ERICH6B: variants seen among roughly 807,000 people sequenced by gnomAD.
ERICH6B encodes glutamate-rich protein 6B.
A neutral mutation model predicts 80.0 loss-of-function variants in ERICH6B; 69 were observed. The ratio of observed to expected loss-of-function variants is 0.86; its 90% CI spans 0.71 to 1.05. The LOEUF (loss-of-function observed/expected upper bound fraction) is 1.05. Ranked by LOEUF, ERICH6B falls within the 50% of genes least tolerant of loss-of-function variation. The pLI is 0.00. For missense variants in ERICH6B, 754 were observed against 796.1 expected, an observed-to-expected ratio of 0.95 and a Z score of 0.64; for synonymous variants, 283 against 291.9, an observed-to-expected ratio of 0.97 and a Z score of 0.31.
intron 4 of ERICH6B, among the ~76,000 whole-genome samples, chr13:45,589,559 T>G (rs1412824195): frequency 1.3e-5 from 2 of 152,110 alleles, no homozygotes; most frequent in Non-Finnish European, 2.9e-5. Flanking sequence ...ACTCTTCCTC[T>G]CCCCATTTTA....
chr13:45,608,338 G>A (rs1266655242), intron 1 of ERICH6B, among the ~76,000 whole-genome samples: 3 of 152,190 alleles, frequency 2.0e-5, no homozygotes, highest in Non-Finnish European at 2.9e-5. Context: ...TTGGCCCAGA[G>A]AAGGCAGCAG....
intron 1 of ERICH6B, among the ~76,000 whole-genome samples, chr13:45,613,862 G>T (rs958838060): frequency 1.3e-5 from 2 of 152,166 alleles, no homozygotes; most frequent in Non-Finnish European, 2.9e-5. Context: ...TGAAGAGGCC[G>T]GTAAACCACT....
chr13:45,590,017 A>G (rs1474034812), intron 4 of ERICH6B, among the ~76,000 whole-genome samples: 2 of 152,156 alleles, frequency 1.3e-5, no homozygotes, highest in Non-Finnish European at 2.9e-5. Flanking sequence ...GCTTCTTGCC[A>G]TAACCAAACT....
intron 13 of ERICH6B, among the ~76,000 whole-genome samples, chr13:45,548,918 T>C (rs1246900693): frequency 6.6e-6 from 1 of 152,186 alleles, no homozygotes; most frequent in East Asian, 1.9e-4. Flanking sequence ...GTCTGCAGAA[T>C]GAAAATCCTT....
intron 1 of ERICH6B, among the ~76,000 whole-genome samples, chr13:45,611,316 G>A (rs576826245): frequency 4.6e-5 from 7 of 152,320 alleles, no homozygotes; most frequent in Admixed American, 4.6e-4. Flanking sequence ...CTGGCAAACA[G>A]CAGTGGGGAT....
chr13:45,604,550 G>C (rs571171610), intron 2 of ERICH6B, among the ~76,000 whole-genome samples: 2 of 152,226 alleles, frequency 1.3e-5, no homozygotes, highest in South Asian at 2.1e-4. Context: ...TCAACTTTCA[G>C]GGGAAACAGA....
At chr13:45,586,849 A>AG (rs1054849233) in intron 5 of ERICH6B, among the ~76,000 whole-genome samples, 124 of 152,218 alleles carry the variant, frequency 8.1e-4, no homozygotes, top group African/African-American at 2.6e-3. Flanking sequence ...TCTTTCTCTG[A>AG]GGGGGGTCTG....
intron 9 of ERICH6B, among the ~76,000 whole-genome samples, chr13:45,565,370 C>CA (rs1874868803): frequency 6.6e-6 from 1 of 152,128 alleles, no homozygotes; most frequent in Admixed American, 6.6e-5. Context: ...CATGGGGGCA[C>CA]AAACTCATAC....
At chr13:45,570,669 G>T (rs1356190645) in intron 8 of ERICH6B, among the ~76,000 whole-genome samples, 2 of 152,280 alleles carry the variant, frequency 1.3e-5, no homozygotes, top group Admixed American at 6.5e-5. Flanking sequence ...GCAGCCGCAG[G>T]TTCCATGTGG....
Position 45,587,039 on chromosome 13 carries a change from C to A in ERICH6B, c.856+24G>T, listed in dbSNP as rs1450726181. ...GCCCACAGAGCCCGGCTGCGCCTCACCGACAGAGCGCAGCTTCCCTCACCG... is the reference window on the plus strand; with the variant it reads ...GCCCACAGAGCCCGGCTGCGCCTCAACGACAGAGCGCAGCTTCCCTCACCG... On this transcript the variant is annotated intron_variant, in intron 5 of 14. Coordinates refer to ENST00000298738, the MANE Select transcript of ERICH6B (RefSeq NM_182542.3). 5 of 1,546,796 alleles carry A rather than the reference C, an allele frequency of 3.2e-6. No individual in the cohort carries two copies. In the African/African-American group the frequency reaches 6.9e-5, roughly 21 times the overall value.
intron 5 of ERICH6B, among the ~76,000 whole-genome samples, chr13:45,585,563 TC>T (rs34700441): frequency 2.0e-4 from 31 of 151,840 alleles, no homozygotes; most frequent in African/African-American, 7.5e-4. Context: ...CTAATGACCA[TC>T]CCCCCACCCC....
At chr13:45,580,069 C>T (rs547104026) in intron 6 of ERICH6B, 95 bp from the exon 7 acceptor site, 24 of 1,058,542 alleles carry the variant, frequency 2.3e-5, no homozygotes, top group Non-Finnish European at 2.0e-5. Context: ...AAAATCATCT[C>T]CTAGATATCT....
chr13:45,563,737 C>T lies in ERICH6B; in HGVS notation c.1239G>A (p.Arg413=), dbSNP rs1178846273. 1.9e-6 allele frequency: 3 copies of T among 1,552,188 alleles called. No individual in the cohort carries two copies. The highest frequency in any genetic ancestry group is 3.9e-5 in the Admixed American group (2 of 50,994). Residue 413 remains arginine, a synonymous_variant, in exon 10 of 15, where the codon AGG becomes AGA. Transcript: ENST00000298738. ...TGGAGTGGTGCCTACCTTCACGTCT[C>T]CTCTTAATCCGTAAGATTGTTTCCT... The part of the protein sequence containing the change: ...KFKETILRIK[R]RREAQKLTEM...
chr13:45,571,707 A>G (rs963900861), intron 8 of ERICH6B, among the ~76,000 whole-genome samples: 3 of 152,238 alleles, frequency 2.0e-5, no homozygotes, highest in Admixed American at 1.3e-4. Flanking sequence ...GTTTGGAGAT[A>G]GGTTCTTCAC....
chr13:45,584,554 G>A (rs376385135), intron 5 of ERICH6B, among the ~76,000 whole-genome samples: 2 of 152,100 alleles, frequency 1.3e-5, no homozygotes, highest in African/African-American at 2.4e-5. Flanking sequence ...CTCATTGTTC[G>A]TGTCCCCAAG....
rs1875948745 is a variant in ERICH6B at position 45,587,226 on chromosome 13, TG to T, written c.692del (p.Pro231GlnfsTer8). 6.4e-7 allele frequency: 1 copy of T among 1,551,436 alleles called. No individual in the cohort carries two copies. Among genetic ancestry groups the T allele is most frequent in the Non-Finnish European group, 8.7e-7 (1 of 1,146,936 alleles). ...TGGTCACCTGAGAGGGGCCAGCGTC[TG>T]GACTCCTGTCAGAGGGGAGAACAGG... ...QTMLLRDARS[P>X]DAGPSQVTTF... is the part of the protein sequence containing the mutation. On this transcript the variant is annotated frameshift_variant, in exon 5 of 15. Transcript: ENST00000298738. LOFTEE classifies it high-confidence loss of function.
intron 3 of ERICH6B, among the ~76,000 whole-genome samples, chr13:45,591,454 G>A (rs868456831): frequency 2.6e-5 from 4 of 152,102 alleles, no homozygotes; most frequent in South Asian, 4.1e-4. Context: ...AAATTAGCTG[G>A]ATGTAGTGGC....
chr13:45,580,087 C>G (rs1213225512), intron 6 of ERICH6B, 113 bp from the exon 7 acceptor site: 1 of 926,784 alleles, frequency 1.1e-6, no homozygotes, highest in African/African-American at 1.6e-5. Context: ...TCTGGGAAGC[C>G]TCAGGGTGGA....
intron 3 of ERICH6B, among the ~76,000 whole-genome samples, chr13:45,593,481 T>G (rs1876237370): frequency 6.6e-6 from 1 of 152,348 alleles, no homozygotes; most frequent in Admixed American, 6.5e-5. Context: ...GGCATATTTC[T>G]TAATGATTTA....
Sources: gnomAD v4.1 joint callset for allele counts (sites outside exome capture counted in the v4.1 genomes callset) on GRCh38, gnomAD v4.1.1 for gene constraint, MANE v1.5 for transcripts, NCBI Gene and HGNC (gene_info 2026-07-23, HGNC 2026-07-21) for gene names.